The following RNF43 variants were observed in gnomAD, a reference collection of about 807,000 sequenced individuals.
The protein encoded by RNF43 is E3 ubiquitin-protein ligase RNF43.
In RNF43, 37 loss-of-function variants were observed where a neutral mutation model predicts 78.4. The observed-to-expected ratio is 0.47, with a 90% CI of 0.36 to 0.62. The LOEUF (loss-of-function observed/expected upper bound fraction) is 0.62, where lower values mean the gene tolerates loss of function less well. Ranked by LOEUF, RNF43 falls within the 20% of genes least tolerant of loss-of-function variation. RNF43 has a pLI of 0.00. For missense variants in RNF43, 774 were observed against 1,007.9 expected (o/e 0.77, Z 3.14); for synonymous variants, 347 against 395.0 (o/e 0.88, Z 1.44).
intron 2 of RNF43, among the ~76,000 whole-genome samples, chr17:58,394,504 T>C (rs1973631663): frequency 6.6e-6 from 1 of 152,210 alleles, no homozygotes; most frequent in Non-Finnish European, 1.5e-5. Context: ...AGTAAGAACT[T>C]AGGTATCACT....
intron 2 of RNF43, 122 bp from the exon 3 acceptor site, chr17:58,371,155 G>A: frequency 2.0e-6 from 2 of 994,716 alleles, no homozygotes; most frequent in Non-Finnish European, 2.8e-6. Flanking sequence ...CTGTAAAAGA[G>A]TAGGCCTTAT....
chr17:58,408,509 T>C (rs1051465633), intron 2 of RNF43, among the ~76,000 whole-genome samples: 14 of 152,164 alleles, frequency 9.2e-5, no homozygotes, highest in African/African-American at 3.4e-4. Flanking sequence ...TAAATCATTC[T>C]TGGAAAACCA....
downstream of RNF43, chr17:58,352,989 A>C (rs1972594579): frequency 4.6e-6 from 1 of 218,066 alleles, no homozygotes; most frequent in Admixed American, 5.8e-5. Context: ...GTGCCTTGTG[A>C]GGAAGCGACA....
At chr17:58,402,366 C>A (rs1304118982) in intron 2 of RNF43, among the ~76,000 whole-genome samples, 1 of 152,174 alleles carries the variant, frequency 6.6e-6, no homozygotes, top group African/African-American at 2.4e-5. Context: ...ACCACAGAAC[C>A]AAGATAAAAT....
Position 58,360,672 on chromosome 17 carries a change from G to A in RNF43, c.849+111C>T. On this transcript the variant is annotated intron_variant, in intron 7 of 9. Coordinates refer to ENST00000407977, the MANE Select transcript of RNF43 (RefSeq NM_017763.6). The surrounding 1 kb of genome is among the most constrained non-coding windows in gnomAD (Gnocchi z 4.3). Reference sequence around the variant, plus strand: ...ATCTCTGCCTCATGCAGGACACATGGGAAACAGATGTAGCCAGGGTACCCA... The same window carrying A: ...ATCTCTGCCTCATGCAGGACACATGAGAAACAGATGTAGCCAGGGTACCCA... 2 of 1,192,182 alleles carry A rather than the reference G, an allele frequency of 1.7e-6. No homozygotes were observed. Among genetic ancestry groups the A allele is most frequent in the South Asian group, 3.1e-5 (2 of 63,612 alleles). The allele number at this position is 1,192,182 out of a possible 1,614,324, so 73.9% of individuals were successfully genotyped here.
At chr17:58,396,528 G>A (rs1973684923) in intron 2 of RNF43, among the ~76,000 whole-genome samples, 1 of 152,080 alleles carries the variant, frequency 6.6e-6, no homozygotes, top group Non-Finnish European at 1.5e-5. Flanking sequence ...GGACTTGAGG[G>A]GGAAAAAACA....
At chr17:58,374,798 G>A (rs1368211897) in intron 2 of RNF43, among the ~76,000 whole-genome samples, 1 of 152,062 alleles carries the variant, frequency 6.6e-6, no homozygotes, top group Non-Finnish European at 1.5e-5. Flanking sequence ...GTCTTCTCTT[G>A]AGCTCCAGAC....
Position 58,357,121 on chromosome 17 carries a change from T to G in RNF43, c.2308+347A>C. 1 of 674,788 alleles carries G rather than the reference T, an allele frequency of 1.5e-6. No individual in the cohort carries two copies. The highest frequency in any genetic ancestry group is 2.7e-6 in the Non-Finnish European group (1 of 369,264). The allele number at this position is 674,788 out of a possible 1,614,324, so 41.8% of individuals were successfully genotyped here. ...GTTGGCCAGGTTGGTCTTGAACTCCTGGCCTCAAGGGATCCACCCACCTAG... is the reference window on the plus strand; with the variant it reads ...GTTGGCCAGGTTGGTCTTGAACTCCGGGCCTCAAGGGATCCACCCACCTAG... On this transcript the variant is annotated intron_variant, in intron 9 of 9. Coordinates refer to ENST00000407977, the MANE Select transcript of RNF43 (RefSeq NM_017763.6). The surrounding 1 kb of genome is among the most constrained non-coding windows in gnomAD (Gnocchi z 4.5).
At chr17:58,379,109 TA>T (rs1484399097) in intron 2 of RNF43, among the ~76,000 whole-genome samples, 1 of 152,158 alleles carries the variant, frequency 6.6e-6, no homozygotes, top group Non-Finnish European at 1.5e-5. Context: ...TGAGGTCCCC[TA>T]AATTCAACCC....
At chr17:58,410,834 C>T (rs570330305) in intron 2 of RNF43, among the ~76,000 whole-genome samples, 70 of 152,280 alleles carry the variant, frequency 4.6e-4, no homozygotes, top group Non-Finnish European at 8.8e-4. Context: ...ATGATGCACT[C>T]TGGATCAATC....
At chr17:58,391,543 G>A (rs1973560007) in intron 2 of RNF43, among the ~76,000 whole-genome samples, 1 of 152,190 alleles carries the variant, frequency 6.6e-6, no homozygotes, top group Non-Finnish European at 1.5e-5. Flanking sequence ...GGCCAACGCT[G>A]GACGCCCTGG....
Position 58,357,165 on chromosome 17 carries a change from A to G in RNF43, c.2308+303T>C. 2 of 699,004 alleles carry G rather than the reference A, an allele frequency of 2.9e-6. No individual in the cohort carries two copies. The highest frequency in any genetic ancestry group is 2.7e-5 in the East Asian group (1 of 37,172). The allele number at this position is 699,004 out of a possible 1,614,324, so 43.3% of individuals were successfully genotyped here. A position where few individuals can be genotyped will look rare whatever the true frequency, so the allele number is the denominator to read the frequency against. ...CACCTAGGCCTCCCAAAGTTCTGGG[A>G]TTACAGGCATGAGCCATCACACCCG... is the stretch of plus-strand genomic sequence containing the variant. On this transcript the variant is annotated intron_variant, in intron 9 of 9. Coordinates refer to ENST00000407977, the MANE Select transcript of RNF43 (RefSeq NM_017763.6). This position sits in a 1 kb window ranked among gnomAD's most constrained non-coding sequence, Gnocchi z 4.5.
At chr17:58,355,062 G>A (rs560782338) in intron 9 of RNF43, 76 bp from the exon 10 acceptor site, 53 of 1,306,180 alleles carry the variant, frequency 4.1e-5, no homozygotes, top group Non-Finnish European at 4.3e-5. Flanking sequence ...CTGCAGCAGA[G>A]TGTGGCTGAG....
chr17:58,417,496 A>G lies in RNF43; in HGVS notation c.-865T>C, dbSNP rs1385708971. The G allele has an allele frequency of 6.6e-6, 1 of 152,236 alleles. No individual in the cohort carries two copies. The highest frequency in any genetic ancestry group is 2.4e-5 in the African/African-American group (1 of 41,458). The allele number at this position is 152,236 out of a possible 1,614,324, so 9.4% of individuals were successfully genotyped here. On this transcript the variant is annotated 5_prime_UTR_variant, in exon 1 of 10. Transcript: ENST00000407977. The stretch of plus-strand genomic sequence containing the variant: ...ACTTGGAAAGTTCGGAAGGATTCCG[A>G]GTGCTTCCTTTCAGAAAGACAATTC...
intron 3 of RNF43, among the ~76,000 whole-genome samples, chr17:58,370,671 A>G (rs1485951442): frequency 6.6e-6 from 1 of 152,118 alleles, no homozygotes; most frequent in African/African-American, 2.4e-5. Context: ...AAGTGATGGG[A>G]AGGAGGTGGG....
chr17:58,398,452 C>T (rs942931282), intron 2 of RNF43, among the ~76,000 whole-genome samples: 3 of 152,078 alleles, frequency 2.0e-5, no homozygotes, highest in African/African-American at 7.2e-5. Context: ...GAAAAAATTC[C>T]AGTTAATTTA....
chr17:58,390,133 G>C (rs1420655111), intron 2 of RNF43, among the ~76,000 whole-genome samples: 1 of 152,084 alleles, frequency 6.6e-6, no homozygotes, highest in East Asian at 1.9e-4. Context: ...AATCAGCAAA[G>C]AAAATGTGGA....
At chr17:58,392,193 G>A (rs1287951321) in intron 2 of RNF43, among the ~76,000 whole-genome samples, 1 of 152,214 alleles carries the variant, frequency 6.6e-6, no homozygotes, top group Non-Finnish European at 1.5e-5. Context: ...GCAGGATAGA[G>A]TAGGAAACTT....
intron 2 of RNF43, 43 bp downstream of exon 2, chr17:58,415,283 T>C (rs1266638215): frequency 6.2e-7 from 1 of 1,605,608 alleles, no homozygotes; most frequent in Non-Finnish European, 8.5e-7. Context: ...GAAAGACATA[T>C]TTCAAACAGA....
Sources: allele counts gnomAD v4.1 joint callset (sites outside exome capture counted in the v4.1 genomes callset), GRCh38; gene constraint gnomAD v4.1.1; non-coding constraint Gnocchi (gnomAD v3.1); transcripts MANE v1.5; gene names NCBI Gene and HGNC (gene_info 2026-07-23, HGNC 2026-07-21).